The following NRG1 variants were observed in gnomAD, a reference collection of about 807,000 sequenced individuals.
The protein encoded by NRG1 is neuregulin 1, also known as pro-neuregulin-1, membrane-bound isoform.
Under a neutral mutation model 63.8 loss-of-function variants are expected in NRG1, and 18 were observed. That is an observed-to-expected ratio of 0.28 (90% CI 0.19 to 0.42). The LOEUF (loss-of-function observed/expected upper bound fraction) is 0.42. NRG1 is among the 10% of genes least tolerant of loss of function. The pLI, the probability that NRG1 is intolerant of heterozygous loss-of-function variation, is 1.00. For synonymous variants in NRG1, 302 were observed against 301.3 expected, an observed-to-expected ratio of 1.00 and a Z score of -0.02; for missense variants, 762 against 814.7, an observed-to-expected ratio of 0.94 and a Z score of 0.79.
In NRG1 at chr8:31,725,929, A is replaced by G. The variant is rs115421683; in HGVS notation, c.37+86498A>G. Among the ~76,000 whole-genome samples the G allele has an allele frequency of 4.0e-3, 612 of 152,270 alleles. 7 individuals are homozygous for G. The highest frequency in any genetic ancestry group is 0.014 in the African/African-American group (580 of 41,564). On this transcript the variant is annotated intron_variant, in intron 1 of 10. Coordinates refer to the NRG1 transcript ENST00000519301. The stretch of plus-strand genomic sequence containing the variant: ...TGAAGAAAAGAAATGACTAATGGGA[A>G]TCACAAAATTGTGAAATTGATGATC...
intron 1 of NRG1, among the ~76,000 whole-genome samples, chr8:31,903,017 A>T (rs1254475722): frequency 6.6e-6 from 1 of 152,166 alleles, no homozygotes; most frequent in African/African-American, 2.4e-5. Context: ...AGAAAGCCCA[A>T]ACTACCCCAT....
At chr8:31,794,664 T>G (rs34609824) in intron 1 of NRG1, among the ~76,000 whole-genome samples, 1 of 151,810 alleles carries the variant, frequency 6.6e-6, no homozygotes, top group Non-Finnish European at 1.5e-5. Flanking sequence ...ATTGTTACTT[T>G]ATAATAATTA....
At chr8:31,731,169 A>G (rs1236946055) in intron 1 of NRG1, among the ~76,000 whole-genome samples, 2 of 152,148 alleles carry the variant, frequency 1.3e-5, no homozygotes, top group Admixed American at 1.3e-4. Flanking sequence ...AAATGTTCAT[A>G]TAAAACTCAC....
intron 1 of NRG1, among the ~76,000 whole-genome samples, chr8:31,868,152 A>ACACACACACACCT (rs1829148373): frequency 3.3e-5 from 1 of 30,208 alleles, no homozygotes; most frequent in Non-Finnish European, 6.8e-5. Flanking sequence ...CATCTTACAC[A>ACACACACACACCT]CACACACACA....
intron 5 of NRG1, among the ~76,000 whole-genome samples, chr8:32,646,400 C>T (rs1011256734): frequency 1.3e-5 from 2 of 152,132 alleles, no homozygotes; most frequent in Non-Finnish European, 2.9e-5. Flanking sequence ...TCTTAGTGAA[C>T]AAAACTTATT....
chr8:32,037,957 C>T (rs564721808), intron 1 of NRG1, among the ~76,000 whole-genome samples: 1 of 152,364 alleles, frequency 6.6e-6, no homozygotes, highest in East Asian at 1.9e-4. Context: ...GCTTGGCTCC[C>T]TAGCTTCAGC....
intron 1 of NRG1, among the ~76,000 whole-genome samples, chr8:32,110,133 T>C (rs17619965): frequency 0.55 from 82,942 of 152,026 alleles, 23,988 homozygotes; most frequent in Admixed American, 0.65. Context: ...TTAAAAAATC[T>C]TGCTAGAAAT....
At chr8:32,447,187 T>C (rs75899179) in intron 1 of NRG1, among the ~76,000 whole-genome samples, 1 of 144,500 alleles carries the variant, frequency 6.9e-6, no homozygotes, top group African/African-American at 2.7e-5. Flanking sequence ...ACCCGGCTAA[T>C]TTTTTTTTTG....
At chr8:32,278,026 A>G (rs1348214818) in intron 1 of NRG1, among the ~76,000 whole-genome samples, 2 of 152,226 alleles carry the variant, frequency 1.3e-5, no homozygotes, top group African/African-American at 2.4e-5. Flanking sequence ...TATGCAGCAC[A>G]GTAGCCTCAG....
chr8:31,688,766 T>A lies in NRG1; in HGVS notation c.37+49335T>A, dbSNP rs1179001902. On this transcript the variant is annotated intron_variant, in intron 1 of 10. Coordinates refer to the NRG1 transcript ENST00000519301. ...AGAAGAGAGAATGATAGTTTTCAAT[T>A]TTTGTTTTGTATGCTCAGTTTATAT... Among the ~76,000 whole-genome samples the A allele has an allele frequency of 2.0e-5, 3 of 152,226 alleles. No individual in the cohort carries two copies. In the South Asian group the frequency reaches 6.2e-4, roughly 32 times the overall value.
At position 32,419,402 on chromosome 8, in the gene NRG1, A is replaced by G. The variant is rs1816379137; in HGVS notation, c.38-176426A>G. Reference sequence around the variant, plus strand: ...GAAAATATTCTCTAAAACAGACTCCACAACTACAATGACCAGTACAATGTG... The same window carrying G: ...GAAAATATTCTCTAAAACAGACTCCGCAACTACAATGACCAGTACAATGTG... On this transcript the variant is annotated intron_variant, in intron 1 of 10. Coordinates refer to the NRG1 transcript ENST00000519301. Among the ~76,000 whole-genome samples the G allele has an allele frequency of 2.0e-5, 3 of 152,202 alleles. No individual in the cohort carries two copies. The South Asian group carries it at 6.2e-4, about 31-fold the overall frequency.
chr8:32,122,867 A>G (rs1833644940), intron 1 of NRG1, among the ~76,000 whole-genome samples: 1 of 151,760 alleles, frequency 6.6e-6, no homozygotes, highest in Non-Finnish European at 1.5e-5. Context: ...GAGTGAGAAC[A>G]CACGGTGTTT....
At chr8:32,281,765 G>A (rs1259721517) in intron 1 of NRG1, among the ~76,000 whole-genome samples, 2 of 151,956 alleles carry the variant, frequency 1.3e-5, no homozygotes, top group Non-Finnish European at 2.9e-5. Flanking sequence ...AGGATCACTT[G>A]AGCCCAGGAG....
At chr8:32,075,915 C>T (rs776695386) in intron 1 of NRG1, among the ~76,000 whole-genome samples, 17 of 151,696 alleles carry the variant, frequency 1.1e-4, no homozygotes, top group Admixed American at 9.2e-4. Context: ...TCAAGTGATC[C>T]GCCCACCTTG....
intron 1 of NRG1, among the ~76,000 whole-genome samples, chr8:32,154,659 A>G (rs1004801279): frequency 6.6e-6 from 1 of 152,220 alleles, no homozygotes; most frequent in Non-Finnish European, 1.5e-5. Context: ...TTGAAGTCAC[A>G]TCAAATTCCA....
chr8:32,769,831 C>T (rs16879956), downstream of NRG1, among the ~76,000 whole-genome samples: 1 of 152,076 alleles, frequency 6.6e-6, no homozygotes, highest in South Asian at 2.1e-4. Context: ...TCCTGTTGAC[C>T]TCCTGGTACT....
At chr8:31,924,487 C>T (rs571905638) in intron 1 of NRG1, among the ~76,000 whole-genome samples, 19 of 152,126 alleles carry the variant, frequency 1.2e-4, no homozygotes, top group African/African-American at 4.1e-4. Flanking sequence ...ATTGGTCATT[C>T]GTGCTGTAGT....
At chr8:32,073,325 C>T (rs771159245) in intron 1 of NRG1, among the ~76,000 whole-genome samples, 1 of 151,984 alleles carries the variant, frequency 6.6e-6, no homozygotes, top group Non-Finnish European at 1.5e-5. Context: ...AAGTTGGAAC[C>T]GAGGAGAAAG....
intron 1 of NRG1, among the ~76,000 whole-genome samples, chr8:32,097,965 T>C (rs994712455): frequency 2.0e-5 from 3 of 152,130 alleles, no homozygotes; most frequent in Non-Finnish European, 4.4e-5. Context: ...GACATTGGAA[T>C]ATAGGTTTAA....
Sources: gnomAD v4.1 joint callset for allele counts (sites outside exome capture counted in the v4.1 genomes callset) on GRCh38, gnomAD v4.1.1 for gene constraint, MANE v1.5 for transcripts, NCBI Gene and HGNC (gene_info 2026-07-23, HGNC 2026-07-21) for gene names.